The following GSE1 variants were observed in gnomAD, a reference collection of about 807,000 sequenced individuals.
The protein encoded by GSE1 is genetic suppressor element 1.
Under a neutral mutation model 112.6 loss-of-function variants are expected in GSE1, and 32 were observed. The observed-to-expected ratio is 0.28, with a 90% CI of 0.21 to 0.38. The LOEUF (loss-of-function observed/expected upper bound fraction) is 0.38, where lower values mean the gene tolerates loss of function less well. Among genes scored for constraint, GSE1 ranks in the 10% least tolerant of loss-of-function variants. The pLI, the probability that GSE1 is intolerant of heterozygous loss-of-function variation, is 1.00. For synonymous variants in GSE1, 1,115 were observed against 735.6 expected (o/e 1.52, Z -8.35); for missense variants, 2,348 against 1,699.2 (o/e 1.38, Z -6.71).
chr16:85,601,793 C>A (rs868746131), intron 1 of GSE1, among the ~76,000 whole-genome samples: 7 of 152,212 alleles, frequency 4.6e-5, no homozygotes, highest in African/African-American at 1.7e-4. Flanking sequence ...CTTGACCCCG[C>A]GTCCCCAGGG....
At chr16:85,426,056 T>TGGATGGATGGATGGATGGATGGAA (rs773440404) in intron 2 of GSE1, among the ~76,000 whole-genome samples, 3,583 of 144,070 alleles carry the variant, frequency 0.025, 89 homozygotes, top group East Asian at 0.12. Context: ...GATGGATGGA[T>TGGATGGATGGATGGATGGATGGAA]GGATGGATGG....
intron 2 of GSE1, among the ~76,000 whole-genome samples, chr16:85,471,187 C>T (rs1005845295): frequency 1.3e-5 from 2 of 152,204 alleles, no homozygotes; most frequent in African/African-American, 4.8e-5. Context: ...GTCCCTGCTG[C>T]CCTGAAGAAG....
At chr16:85,639,735 C>T (rs1279764263) in intron 2 of GSE1, among the ~76,000 whole-genome samples, 1 of 152,244 alleles carries the variant, frequency 6.6e-6, no homozygotes, top group Non-Finnish European at 1.5e-5. Flanking sequence ...GAGGGCAGGC[C>T]GTGGAGCCTC....
intron 2 of GSE1, among the ~76,000 whole-genome samples, chr16:85,508,659 T>C (rs1378444360): frequency 6.6e-6 from 1 of 152,296 alleles, no homozygotes; most frequent in East Asian, 1.9e-4. Flanking sequence ...GTGGCAATAG[T>C]TACCCAGATA....
intron 1 of GSE1, among the ~76,000 whole-genome samples, chr16:85,314,530 A>C (rs531008876): frequency 6.6e-5 from 10 of 152,200 alleles, no homozygotes; most frequent in Admixed American, 2.6e-4. Context: ...ACGTGTGTGC[A>C]CACATGCATG....
At chr16:85,623,910 C>A (rs997323143) in intron 1 of GSE1, among the ~76,000 whole-genome samples, 3 of 152,154 alleles carry the variant, frequency 2.0e-5, no homozygotes, top group Non-Finnish European at 2.9e-5. Context: ...CTGTTCTTGG[C>A]TGTAGACTAA....
intron 1 of GSE1, among the ~76,000 whole-genome samples, chr16:85,323,151 G>C (rs1444966555): frequency 3.3e-5 from 5 of 152,210 alleles, no homozygotes; most frequent in African/African-American, 1.2e-4. Context: ...CAAGACGTGA[G>C]AGGCAATTTC....
intron 2 of GSE1, among the ~76,000 whole-genome samples, chr16:85,495,473 ATTTG>A (rs1340079850): frequency 5.9e-5 from 8 of 135,196 alleles, no homozygotes; most frequent in East Asian, 2.2e-4. Flanking sequence ...TTATTTATTT[ATTTG>A]TGTATTTATT....
At chr16:85,626,730 G>C (rs537873337) in intron 1 of GSE1, among the ~76,000 whole-genome samples, 253 of 152,304 alleles carry the variant, frequency 1.7e-3, no homozygotes, top group Non-Finnish European at 2.4e-3. Flanking sequence ...GTCTGGTGCC[G>C]GGGAAGAGCC....
At chr16:85,619,757 G>A (rs2048613149) in intron 1 of GSE1, among the ~76,000 whole-genome samples, 1 of 152,198 alleles carries the variant, frequency 6.6e-6, no homozygotes, top group Admixed American at 6.5e-5. Flanking sequence ...ACCCCAACGT[G>A]CTCCTCCTCC....
intron 1 of GSE1, among the ~76,000 whole-genome samples, chr16:85,337,312 T>G (rs1202665121): frequency 6.7e-6 from 1 of 148,560 alleles, no homozygotes; most frequent in Non-Finnish European, 1.5e-5. Context: ...CTTTTCTTTT[T>G]TTTTTTTTTT....
chr16:85,340,393 A>G (rs538937779), intron 1 of GSE1, among the ~76,000 whole-genome samples: 1 of 152,176 alleles, frequency 6.6e-6, no homozygotes, highest in South Asian at 2.1e-4. Context: ...TAATCCCAGC[A>G]CTTTGGGAGA....
upstream of GSE1, chr16:85,611,282 G>A (rs2151535142): frequency 1.1e-5 from 1 of 90,504 alleles, no homozygotes; most frequent in Admixed American, 1.1e-4. Flanking sequence ...CCCCCCGCCC[G>A]TGACTCCCAG....
At position 85,657,174 on chromosome 16, in the gene GSE1, G is replaced by C. The variant is rs547776461; in HGVS notation, c.1313-103G>C. The C allele has an allele frequency of 1.3e-5, 10 of 795,464 alleles. No individual in the cohort carries two copies. The African/African-American group carries it at 1.8e-4, about 14-fold the overall frequency. 49.3% of individuals were successfully genotyped at this position (795,464 alleles called of 1,614,324 possible). On this transcript the variant is annotated intron_variant, in intron 7 of 15. Transcript: ENST00000253458. ...GTTCTGGCTGCGGGAAGAACCCTTT[G>C]GAAGGGCTCTGGTTTCTCTGGGCAG...
chr16:85,268,240 A>ATGG (rs67594272), intron 1 of GSE1, among the ~76,000 whole-genome samples: 2 of 151,654 alleles, frequency 1.3e-5, no homozygotes, highest in African/African-American at 4.8e-5. Flanking sequence ...GTGTGGCACA[A>ATGG]GGGTTCTATA....
chr16:85,529,886 C>A (rs2044083722), intron 2 of GSE1, among the ~76,000 whole-genome samples: 1 of 152,246 alleles, frequency 6.6e-6, no homozygotes, highest in South Asian at 2.1e-4. Context: ...CCAGCAGGAC[C>A]AGCCGTGGCC....
At chr16:85,619,484 G>C (rs907747492) in intron 1 of GSE1, among the ~76,000 whole-genome samples, 3 of 152,342 alleles carry the variant, frequency 2.0e-5, no homozygotes, top group Admixed American at 1.3e-4. Context: ...TTATCTTCTG[G>C]GTTGGGGGGC....
chr16:85,478,907 C>CCTTCT (rs2050569487), intron 2 of GSE1, among the ~76,000 whole-genome samples: 4 of 50,966 alleles, frequency 7.8e-5, no homozygotes, highest in African/African-American at 3.6e-4. Context: ...TTCTTTCTTT[C>CCTTCT]TTTCTTTCTT....
chr16:85,457,777 G>C (rs1445475233), intron 2 of GSE1, among the ~76,000 whole-genome samples: 1 of 152,222 alleles, frequency 6.6e-6, no homozygotes, highest in African/African-American at 2.4e-5. Context: ...GAGCCACCCT[G>C]AATGTGGGGA....
Sources: allele counts gnomAD v4.1 joint callset (sites outside exome capture counted in the v4.1 genomes callset), GRCh38; gene constraint gnomAD v4.1.1; transcripts MANE v1.5; gene names NCBI Gene and HGNC (gene_info 2026-07-23, HGNC 2026-07-21).